AGAP1: variants seen among roughly 807,000 people sequenced by gnomAD.
AGAP1 encodes the protein ArfGAP with GTPase domain, ankyrin repeat and PH domain 1.
Under a neutral mutation model 105.3 loss-of-function variants are expected in AGAP1, and 29 were observed. The observed-to-expected ratio is 0.28, with a 90% CI of 0.21 to 0.38. The LOEUF (loss-of-function observed/expected upper bound fraction) is 0.38. AGAP1 is among the 10% of genes least tolerant of loss of function. The pLI is 1.00. For synonymous variants in AGAP1, 509 were observed against 485.9 expected, an observed-to-expected ratio of 1.05 and a Z score of -0.63; for missense variants, 998 against 1,165.1, an observed-to-expected ratio of 0.86 and a Z score of 2.09.
intron 1 of AGAP1, among the ~76,000 whole-genome samples, chr2:235,702,631 A>G (rs911562880): frequency 4.6e-5 from 7 of 152,212 alleles, no homozygotes; most frequent in Non-Finnish European, 7.3e-5. Context: ...TGGTAGTCAT[A>G]TCACATGGAT....
rs1945131852 is a variant in AGAP1 at position 235,586,935 on chromosome 2, A to G, written c.163+92086A>G. Among the ~76,000 whole-genome samples, 2 of 152,212 alleles carry G rather than the reference A, an allele frequency of 1.3e-5. No individual in the cohort carries two copies. The highest frequency in any genetic ancestry group is 2.9e-5 in the Non-Finnish European group (2 of 68,044). On this transcript the variant is annotated intron_variant, in intron 1 of 17. Transcript: ENST00000304032. The surrounding 1 kb of genome is among the most constrained non-coding windows in gnomAD (Gnocchi z 4.2). Reference sequence around the variant, plus strand: ...TGAATGAACTCACGTGTGTAACCAGATCAAGAGGCAGAATATTACTAGGGT... The same window carrying G: ...TGAATGAACTCACGTGTGTAACCAGGTCAAGAGGCAGAATATTACTAGGGT...
At position 235,620,794 on chromosome 2, in the gene AGAP1, A is replaced by C. The variant is rs985295542; in HGVS notation, c.164-88385A>C. Among the ~76,000 whole-genome samples the C allele has an allele frequency of 1.3e-5, 2 of 152,242 alleles. No homozygotes were observed. The highest frequency in any genetic ancestry group is 2.4e-5 in the African/African-American group (1 of 41,470). ...CTTTGTCGATGTTCGTTAGGCATGCAGGTGAACAAGTGAATGAGTGATCCT... is the reference window on the plus strand; with the variant it reads ...CTTTGTCGATGTTCGTTAGGCATGCCGGTGAACAAGTGAATGAGTGATCCT... On this transcript the variant is annotated intron_variant, in intron 1 of 17. Transcript: ENST00000304032. This position sits in a 1 kb window ranked among gnomAD's most constrained non-coding sequence, Gnocchi z 4.5.
At position 236,078,220 on chromosome 2, in the gene AGAP1, G is replaced by T. The variant is rs529763926; in HGVS notation, c.2114+28939G>T. Among the ~76,000 whole-genome samples, 1 of 151,892 alleles carries T rather than the reference G, an allele frequency of 6.6e-6. No homozygotes were observed. The stretch of plus-strand genomic sequence containing the variant: ...ACATCTGAAGTGTGTAGTGCAGGCC[G>T]GCGTTCTGGAAACTCGGGCAGAAGT... On this transcript the variant is annotated intron_variant, in intron 16 of 17. Transcript: ENST00000304032. This position sits in a 1 kb window ranked among gnomAD's most constrained non-coding sequence, Gnocchi z 5.3.
chr2:235,819,314 C>G (rs1448107916), intron 9 of AGAP1, among the ~76,000 whole-genome samples: 1 of 151,718 alleles, frequency 6.6e-6, no homozygotes, highest in Non-Finnish European at 1.5e-5. Flanking sequence ...AGGGTTTTGC[C>G]ATGTTGCCCA....
intron 1 of AGAP1, among the ~76,000 whole-genome samples, chr2:235,519,409 G>A (rs945032109): frequency 1.3e-5 from 2 of 152,010 alleles, no homozygotes; most frequent in African/African-American, 4.8e-5. Flanking sequence ...ATCCTCCCAG[G>A]AATTTGAAGA....
At chr2:235,952,139 A>T (rs971602952) in intron 12 of AGAP1, among the ~76,000 whole-genome samples, 1 of 152,182 alleles carries the variant, frequency 6.6e-6, no homozygotes, top group African/African-American at 2.4e-5. Flanking sequence ...GAATGTGCTG[A>T]GCAGAGCTCA....
At chr2:236,102,211 A>T (rs945562161) in intron 16 of AGAP1, among the ~76,000 whole-genome samples, 1 of 152,128 alleles carries the variant, frequency 6.6e-6, no homozygotes, top group Non-Finnish European at 1.5e-5. Context: ...AGGTCAGGAG[A>T]TCGAGACCAT....
chr2:235,853,502 G>T lies in AGAP1; in HGVS notation c.1051-29843G>T, dbSNP rs148565882. Among the ~76,000 whole-genome samples, 3 of 152,322 alleles carry T rather than the reference G, an allele frequency of 2.0e-5. No individual in the cohort carries two copies. In the East Asian group the frequency reaches 5.8e-4, roughly 29 times the overall value. On this transcript the variant is annotated intron_variant, in intron 9 of 17. Transcript: ENST00000304032. Reference sequence around the variant, plus strand: ...CCTTTCTTTTCCTCTTCTACAGTCAGTGTTTTATAATAGATAGATTAAATG... The same window carrying T: ...CCTTTCTTTTCCTCTTCTACAGTCATTGTTTTATAATAGATAGATTAAATG...
chr2:235,546,778 GCT>G (rs1943636179), intron 1 of AGAP1, among the ~76,000 whole-genome samples: 1 of 152,200 alleles, frequency 6.6e-6, no homozygotes, highest in African/African-American at 2.4e-5. Context: ...CTCTCAGTGT[GCT>G]CTTTCTTGGC....
At chr2:235,916,805 A>G (rs1335808479) in intron 11 of AGAP1, among the ~76,000 whole-genome samples, 1 of 152,222 alleles carries the variant, frequency 6.6e-6, no homozygotes, top group African/African-American at 2.4e-5. Flanking sequence ...TAATTTTTCA[A>G]ATACAATAAA....
rs1960956143 is a variant in AGAP1 at position 235,842,305 on chromosome 2, A to G, written c.1050+34974A>G. Among the ~76,000 whole-genome samples, 1 of 152,208 alleles carries G rather than the reference A, an allele frequency of 6.6e-6. No individual in the cohort carries two copies. The highest frequency in any genetic ancestry group is 1.5e-5 in the Non-Finnish European group (1 of 68,042). ...GACTGAAAGTTAACGTTTCCTTCAG[A>G]TATGAATGTAGGCAACGATCCACAG... is the stretch of plus-strand genomic sequence containing the variant. On this transcript the variant is annotated intron_variant, in intron 9 of 17. Coordinates refer to ENST00000304032, the MANE Select transcript of AGAP1 (RefSeq NM_001037131.3). The surrounding 1 kb of genome is among the most constrained non-coding windows in gnomAD (Gnocchi z 5.3).
chr2:236,026,720 C>T (rs1009167186), intron 13 of AGAP1, among the ~76,000 whole-genome samples: 1 of 152,074 alleles, frequency 6.6e-6, no homozygotes. Flanking sequence ...CAGAGCGAGA[C>T]TCCATCTCAG....
chr2:235,785,252 A>C (rs1956550399), intron 6 of AGAP1, among the ~76,000 whole-genome samples: 2 of 152,226 alleles, frequency 1.3e-5, no homozygotes, highest in Non-Finnish European at 2.9e-5. Context: ...TATCCGAAGG[A>C]GAGTGTGCCT....
chr2:235,914,578 T>G (rs1018174585), intron 11 of AGAP1, among the ~76,000 whole-genome samples: 2 of 152,224 alleles, frequency 1.3e-5, no homozygotes, highest in Admixed American at 6.5e-5. Context: ...TTTCACACTT[T>G]AAAATGCTGG....
Position 236,121,170 on chromosome 2 carries a change from G to C in AGAP1, c.2370+723G>C, listed in dbSNP as rs927811136. Among the ~76,000 whole-genome samples, 1 of 152,372 alleles carries C rather than the reference G, an allele frequency of 6.6e-6. No individual in the cohort carries two copies. Among genetic ancestry groups the C allele is most frequent in the South Asian group, 2.1e-4 (1 of 4,820 alleles). The stretch of plus-strand genomic sequence containing the variant: ...CCCAGAAGTGGAGACAGCACCCAGA[G>C]GTGGGACACCCAGCTGGAGGCTCTT... On this transcript the variant is annotated intron_variant, in intron 17 of 17. Transcript: ENST00000304032. The surrounding 1 kb of genome is among the most constrained non-coding windows in gnomAD (Gnocchi z 4.9).
In AGAP1 at chr2:235,663,079, C is replaced by G. The variant is rs1338933138; in HGVS notation, c.164-46100C>G. Among the ~76,000 whole-genome samples the G allele has an allele frequency of 6.6e-6, 1 of 152,122 alleles. No individual in the cohort carries two copies. The highest frequency in any genetic ancestry group is 1.5e-5 in the Non-Finnish European group (1 of 68,028). Reference sequence around the variant, plus strand: ...GTGGCTCACACCTGTAATCCCAGCACTTTGGGAGGCCGAGGCGGGTGGATC... The same window carrying G: ...GTGGCTCACACCTGTAATCCCAGCAGTTTGGGAGGCCGAGGCGGGTGGATC... On this transcript the variant is annotated intron_variant, in intron 1 of 17. Coordinates refer to ENST00000304032, the MANE Select transcript of AGAP1 (RefSeq NM_001037131.3). The surrounding 1 kb of genome is among the most constrained non-coding windows in gnomAD (Gnocchi z 5.4).
chr2:235,684,080 C>T (rs947124634), intron 1 of AGAP1, among the ~76,000 whole-genome samples: 5 of 152,098 alleles, frequency 3.3e-5, no homozygotes, highest in East Asian at 1.9e-4. Flanking sequence ...CTTGCTCTGT[C>T]GCCCAGGCTG....
intron 2 of AGAP1, among the ~76,000 whole-genome samples, chr2:235,715,230 TCCATCGAC>T (rs1951041120): frequency 6.6e-6 from 1 of 152,332 alleles, no homozygotes. Context: ...CATCCATCTA[TCCATCGAC>T]CCATCTTGTG....
In AGAP1 at chr2:235,777,054, G is replaced by A. The variant is rs1284060377; in HGVS notation, c.674-20705G>A. The A allele has an allele frequency of 3.4e-5, 16 of 471,044 alleles. No individual in the cohort carries two copies. Among genetic ancestry groups the A allele is most frequent in the Admixed American group, 2.3e-4 (10 of 42,570 alleles). 29.2% of individuals were successfully genotyped at this position (471,044 alleles called of 1,614,324 possible). A position where few individuals can be genotyped will look rare whatever the true frequency, so the allele number is the denominator to read the frequency against. On this transcript the variant is annotated intron_variant, in intron 6 of 17. Coordinates refer to ENST00000304032, the MANE Select transcript of AGAP1 (RefSeq NM_001037131.3). This position sits in a 1 kb window ranked among gnomAD's most constrained non-coding sequence, Gnocchi z 5.1. Reference sequence around the variant, plus strand: ...GCCAGGCTGGATCCTGCAGAGAAACGAGGAAGTATTAGACAGAAGTGATGC... The same window carrying A: ...GCCAGGCTGGATCCTGCAGAGAAACAAGGAAGTATTAGACAGAAGTGATGC...
Sources: allele counts gnomAD v4.1 joint callset (sites outside exome capture counted in the v4.1 genomes callset), GRCh38; gene constraint gnomAD v4.1.1; non-coding constraint Gnocchi (gnomAD v3.1); transcripts MANE v1.5; gene names NCBI Gene and HGNC (gene_info 2026-07-23, HGNC 2026-07-21).